The following UBE2D3 variants were observed in gnomAD, a reference collection of about 807,000 sequenced individuals.
UBE2D3 encodes the protein ubiquitin-conjugating enzyme E2 D3.
UBE2D3 carries 2 observed loss-of-function variants against 22.8 expected under a neutral mutation model. The observed-to-expected ratio is 0.09, with a 90% CI of 0.04 to 0.28. UBE2D3 has a LOEUF of 0.28. Ranked by LOEUF, UBE2D3 falls within the 10% of genes least tolerant of loss-of-function variation. The probability of loss-of-function intolerance (pLI) is 1.00; values close to 1 mark genes in which losing one functional copy is unlikely to be tolerated. For missense variants in UBE2D3, 27 were observed against 182.5 expected, an observed-to-expected ratio of 0.15 and a Z score of 4.91; for synonymous variants, 56 against 60.4, an observed-to-expected ratio of 0.93 and a Z score of 0.34.
At chr4:102,832,998 C>CA (rs5860735) in intron 1 of UBE2D3, among the ~76,000 whole-genome samples, 70,782 of 125,262 alleles carry the variant, frequency 0.57, 18,914 homozygotes, top group African/African-American at 0.74. Flanking sequence ...CCCTGTCTCT[C>CA]AAAAAAAAAA....
chr4:102,868,586 T>G, intron 1 of UBE2D3: 1 of 1,167,610 alleles, frequency 8.6e-7, no homozygotes, highest in Non-Finnish European at 1.3e-6. Context: ...AGGAGTAAAA[T>G]TAGGCACTGG....
At chr4:102,852,941 T>A (rs1732433950) in intron 1 of UBE2D3, among the ~76,000 whole-genome samples, 1 of 152,104 alleles carries the variant, frequency 6.6e-6, no homozygotes, top group South Asian at 2.1e-4. Flanking sequence ...AAAAGATGTT[T>A]CACCTCACTT....
At chr4:102,864,424 G>T (rs1733051397) in intron 1 of UBE2D3, among the ~76,000 whole-genome samples, 1 of 40,434 alleles carries the variant, frequency 2.5e-5, no homozygotes, top group African/African-American at 2.3e-4. Flanking sequence ...CTAAATCAAA[G>T]GATGTTTAGT....
chr4:102,829,043 AATG>A (rs1410816334), upstream of UBE2D3, among the ~76,000 whole-genome samples: 12 of 152,274 alleles, frequency 7.9e-5, no homozygotes, highest in Admixed American at 4.6e-4. Context: ...ACACGTCAAC[AATG>A]ATGAATATAA....
upstream of UBE2D3, among the ~76,000 whole-genome samples, chr4:102,830,451 TTAAC>T (rs1345060864): frequency 6.6e-6 from 1 of 152,204 alleles, no homozygotes; most frequent in African/African-American, 2.4e-5. Flanking sequence ...GAAAATTTAA[TTAAC>T]TAAAAATAAT....
intron 4 of UBE2D3, among the ~76,000 whole-genome samples, chr4:102,808,612 C>G (rs1437769100): frequency 6.6e-6 from 1 of 152,154 alleles, no homozygotes; most frequent in Non-Finnish European, 1.5e-5. Flanking sequence ...TTATCCTACT[C>G]AGCACTTCAT....
intron 2 of UBE2D3, among the ~76,000 whole-genome samples, chr4:102,818,828 G>A (rs887365166): frequency 1.3e-5 from 2 of 152,090 alleles, no homozygotes; most frequent in Non-Finnish European, 2.9e-5. Flanking sequence ...TCTTGAGGAA[G>A]ACCTTTACTG....
intron 1 of UBE2D3, among the ~76,000 whole-genome samples, chr4:102,853,135 A>ATCTTTTTTTTTTTTTTTTTTTTTT (rs386626793): frequency 1.1e-5 from 1 of 88,598 alleles, no homozygotes; most frequent in Non-Finnish European, 2.1e-5. Context: ...AAACACACAC[A>ATCTTTTTTTTTTTTTTTTTTTTTT]TTTTTTTTTT....
upstream of UBE2D3, chr4:102,827,583 T>G (rs1278308402): frequency 1.0e-6 from 1 of 983,276 alleles, no homozygotes; most frequent in Non-Finnish European, 1.2e-6. Context: ...CCCCTCCCCC[T>G]CCTCCTGCCT....
rs1474532162 is a variant in UBE2D3, at chr4:102,794,990, G to C, written c.*2425C>G. 1.3e-5 allele frequency: 2 copies of C among 152,034 alleles called. No homozygotes were observed. Among genetic ancestry groups the C allele is most frequent in the East Asian group, 3.8e-4 (2 of 5,208 alleles). The allele number at this position is 152,034 out of a possible 1,614,324, so 9.4% of individuals were successfully genotyped here. On this transcript the variant is annotated 3_prime_UTR_variant, in exon 8 of 8. Transcript: ENST00000453744. ...AATGTCAAATTACTGGGTGGAGTGG[G>C]GCAAAGAGGGCAAATTCTTAGATTC...
Position 102,809,991 on chromosome 4 carries a change from C to T in UBE2D3, c.25-136G>A, listed in dbSNP as rs184687578. On this transcript the variant is annotated intron_variant, in intron 2 of 7. Coordinates refer to ENST00000453744, the MANE Select transcript of UBE2D3 (RefSeq NM_181891.3). ...CACAATTCACATAAATAATATATTC[C>T]ATTAGGAGAGAGAACATGCCTGAAC... 6 of 827,698 alleles carry T rather than the reference C, an allele frequency of 7.2e-6. No homozygotes were observed. The East Asian group carries it at 1.5e-4, about 21-fold the overall frequency. The allele number at this position is 827,698 out of a possible 1,614,324, so 51.3% of individuals were successfully genotyped here.
chr4:102,809,484 A>T (rs1727609408), intron 4 of UBE2D3, 188 bp downstream of exon 4: 6 of 639,082 alleles, frequency 9.4e-6, no homozygotes, highest in Non-Finnish European at 1.6e-5. Flanking sequence ...ACACAGGGAT[A>T]GACACAAAGT....
At chr4:102,807,824 A>G (rs1727307914) in intron 4 of UBE2D3, among the ~76,000 whole-genome samples, 1 of 152,188 alleles carries the variant, frequency 6.6e-6, no homozygotes, top group Non-Finnish European at 1.5e-5. Flanking sequence ...TTGATTGTCT[A>G]TAGGTATGTT....
At position 102,806,126 on chromosome 4, in the gene UBE2D3, A is replaced by G. The variant is rs1726996293; in HGVS notation, c.121-3488T>C. ...GTTACTCCCCTGCTTGAAATCTATG[A>G]TAGTTTTTAAGATAATTCCAACTCC... is the stretch of plus-strand genomic sequence containing the variant. On this transcript the variant is annotated intron_variant, in intron 4 of 7. Transcript: ENST00000453744. Among the ~76,000 whole-genome samples, 5 of 152,144 alleles carry G rather than the reference A, an allele frequency of 3.3e-5. No individual in the cohort carries two copies. The South Asian group carries it at 8.3e-4, about 25-fold the overall frequency.
intron 7 of UBE2D3, among the ~76,000 whole-genome samples, chr4:102,798,092 C>G (rs933860894): frequency 4.6e-5 from 7 of 151,448 alleles, no homozygotes; most frequent in African/African-American, 1.7e-4. Context: ...TAATAAGCAC[C>G]ACTGAGACCT....
Position 102,794,807 on chromosome 4 carries a change from C to G in UBE2D3, c.*2608G>C, listed in dbSNP as rs913576240. The G allele has an allele frequency of 6.6e-6, 1 of 152,010 alleles. No individual in the cohort carries two copies. Among genetic ancestry groups the G allele is most frequent in the Non-Finnish European group, 1.5e-5 (1 of 67,950 alleles). 9.4% of individuals were successfully genotyped at this position (152,010 alleles called of 1,614,324 possible). A position where few individuals can be genotyped will look rare whatever the true frequency, so the allele number is the denominator to read the frequency against. On this transcript the variant is annotated 3_prime_UTR_variant, in exon 8 of 8. Transcript: ENST00000453744. ...AAATCTGATTATCACATTGCAAACT[C>G]GCCCAGGAAAAACAAACTGAGTCAT...
chr4:102,826,885 G>C, intron 1 of UBE2D3: 1 of 1,068,536 alleles, frequency 9.4e-7, no homozygotes, highest in Non-Finnish European at 1.1e-6. Flanking sequence ...AAGAGGCGTA[G>C]GAGAAAGGGG....
chr4:102,800,317 C>G (rs553762057), intron 6 of UBE2D3, among the ~76,000 whole-genome samples: 1 of 151,952 alleles, frequency 6.6e-6, no homozygotes, highest in South Asian at 2.1e-4. Context: ...CCAAATACAG[C>G]AGAATATAAA....
At chr4:102,828,301 G>C (rs1388293385), upstream of UBE2D3, 4 of 981,322 alleles carry the variant, frequency 4.1e-6, no homozygotes, top group Non-Finnish European at 2.4e-6. Context: ...GGGATTTTGA[G>C]GTTTCCGGTG....
Sources: allele counts gnomAD v4.1 joint callset (sites outside exome capture counted in the v4.1 genomes callset), GRCh38; gene constraint gnomAD v4.1.1; transcripts MANE v1.5; gene names NCBI Gene and HGNC (gene_info 2026-07-23, HGNC 2026-07-21).